The following ART3 variants were observed in gnomAD, a reference collection of about 807,000 sequenced individuals.
ART3 encodes ecto-ADP-ribosyltransferase 3.
Under a neutral mutation model 48.5 loss-of-function variants are expected in ART3, and 49 were observed. The ratio of observed to expected loss-of-function variants is 1.01; its 90% confidence interval spans 0.80 to 1.28. The LOEUF is 1.28. Ranked by LOEUF, ART3 falls within the 50% of genes most tolerant of loss-of-function variation. The probability of loss-of-function intolerance (pLI) is 0.00; values close to 1 mark genes in which losing one functional copy is unlikely to be tolerated. For synonymous variants in ART3, 145 were observed against 157.2 expected, an observed-to-expected ratio of 0.92 and a Z score of 0.58; for missense variants, 438 against 454.3, an observed-to-expected ratio of 0.96 and a Z score of 0.33.
chr4:76,051,135 A>G (rs200341378), intron 1 of ART3, among the ~76,000 whole-genome samples: 3,009 of 94,558 alleles, frequency 0.032, no homozygotes, highest in East Asian at 0.12. Context: ...GGGCTCCTCA[A>G]GTGCCGCCAA....
chr4:76,098,708 C>A, intron 4 of ART3, among the ~76,000 whole-genome samples: 1 of 152,048 alleles, frequency 6.6e-6, no homozygotes, highest in African/African-American at 2.4e-5. Flanking sequence ...TGCAGTGAGC[C>A]GGGATCGTGC....
At chr4:76,051,276 A>G (rs1050044498) in intron 1 of ART3, among the ~76,000 whole-genome samples, 3 of 146,236 alleles carry the variant, frequency 2.1e-5, no homozygotes, top group South Asian at 2.2e-4. Context: ...AGGCATGCCA[A>G]TGACTTTAGG....
intron 1 of ART3, chr4:76,023,324 T>C (rs769473524): frequency 5.0e-6 from 7 of 1,407,168 alleles, no homozygotes; most frequent in Non-Finnish European, 7.1e-6. Context: ...TTTATACCTA[T>C]TCCTATTTCT....
intron 1 of ART3, chr4:76,035,260 G>C (rs1374727676): frequency 3.1e-6 from 5 of 1,614,070 alleles, no homozygotes; most frequent in Non-Finnish European, 4.2e-6. Context: ...ACATTATGGA[G>C]GCTTTCTCAA....
intron 1 of ART3, among the ~76,000 whole-genome samples, chr4:76,064,878 C>A (rs1344753436): frequency 1.3e-5 from 2 of 150,078 alleles, no homozygotes; most frequent in East Asian, 3.9e-4. Flanking sequence ...GTCACCCAGG[C>A]TGGAGTGCGG....
intron 3 of ART3, among the ~76,000 whole-genome samples, chr4:76,086,865 A>G (rs1221568715): frequency 6.6e-6 from 1 of 152,110 alleles, no homozygotes; most frequent in Non-Finnish European, 1.5e-5. Context: ...TGCTCCCCCT[A>G]TGTGACAGTA....
At chr4:76,033,548 A>G (rs1019884795) in intron 1 of ART3, 1 of 152,198 alleles carries the variant, frequency 6.6e-6, no homozygotes, top group African/African-American at 2.4e-5. Flanking sequence ...GACAAAAGAA[A>G]CAACTGTCTT....
chr4:76,088,456 A>AC (rs144037112), intron 3 of ART3, among the ~76,000 whole-genome samples: 1,842 of 152,220 alleles, frequency 0.012, 42 homozygotes, highest in African/African-American at 0.042. Flanking sequence ...TGTAGAGTTT[A>AC]CTGAGACCTG....
chr4:76,075,857 T>C, intron 1 of ART3, 24 bp from the exon 2 acceptor site: 1 of 1,583,416 alleles, frequency 6.3e-7, no homozygotes, highest in Non-Finnish European at 8.6e-7. Flanking sequence ...TCTACTGAAT[T>C]GAAATTTCTT....
At chr4:76,063,404 G>A (rs1434872359) in intron 1 of ART3, among the ~76,000 whole-genome samples, 2 of 152,012 alleles carry the variant, frequency 1.3e-5, no homozygotes, top group African/African-American at 2.4e-5. Context: ...TCTTAACTAG[G>A]TCTTGAATAT....
At chr4:76,078,238 G>A (rs992154369) in intron 2 of ART3, among the ~76,000 whole-genome samples, 13 of 151,986 alleles carry the variant, frequency 8.6e-5, no homozygotes, top group Non-Finnish European at 2.9e-5. Flanking sequence ...TACACAATCA[G>A]CTATGGTGTC....
At chr4:76,047,078 C>T (rs533795346) in intron 1 of ART3, among the ~76,000 whole-genome samples, 1 of 152,142 alleles carries the variant, frequency 6.6e-6, no homozygotes, top group Non-Finnish European at 1.5e-5. Context: ...CCTTCATCCT[C>T]TGGGGCAGTG....
At position 76,112,377 on chromosome 4, in the gene ART3, T is replaced by C. The variant is rs368669506; in HGVS notation, c.1037-9T>C. ...TGATGTGTCAGTGACTGTGTATTCT[T>C]GTTAACAGCTCCAGGTCCAGTTCCT... On this transcript the variant is annotated splice_polypyrimidine_tract_variant and intron_variant, in intron 11 of 11. Coordinates refer to ENST00000355810, the MANE Select transcript of ART3 (RefSeq NM_001130016.3). 4.0e-5 allele frequency: 64 copies of C among 1,612,146 alleles called. No individual in the cohort carries two copies. Among genetic ancestry groups the C allele is most frequent in the Non-Finnish European group, 5.0e-5 (59 of 1,179,376 alleles).
chr4:76,022,317 A>G (rs1404947781), intron 1 of ART3: 1 of 1,464,902 alleles, frequency 6.8e-7, no homozygotes, highest in Non-Finnish European at 9.5e-7. Context: ...GACTCCCAAG[A>G]TTGCCGTTTC....
At chr4:76,061,093 A>G (rs1719170110) in intron 1 of ART3, among the ~76,000 whole-genome samples, 1 of 152,222 alleles carries the variant, frequency 6.6e-6, no homozygotes, top group African/African-American at 2.4e-5. Flanking sequence ...AACAGTAACA[A>G]ACTATTGCAG....
intron 1 of ART3, 30 bp downstream of exon 1, chr4:76,074,849 C>T (rs193225955): frequency 6.6e-6 from 1 of 152,256 alleles, no homozygotes; most frequent in East Asian, 1.9e-4. Flanking sequence ...TACACTCAGA[C>T]TAAAGAAATG....
At chr4:76,061,525 T>C (rs1294015884) in intron 1 of ART3, among the ~76,000 whole-genome samples, 1 of 152,210 alleles carries the variant, frequency 6.6e-6, no homozygotes, top group Non-Finnish European at 1.5e-5. Context: ...AAAGTGACCT[T>C]TTCAATCAGA....
intron 4 of ART3, among the ~76,000 whole-genome samples, chr4:76,097,958 C>T (rs753419543): frequency 2.0e-5 from 3 of 152,190 alleles, no homozygotes; most frequent in Non-Finnish European, 2.9e-5. Context: ...CCACTGTCAT[C>T]TGAGCCTGAC....
chr4:76,065,616 A>G (rs1455673328), intron 1 of ART3, among the ~76,000 whole-genome samples: 2 of 151,852 alleles, frequency 1.3e-5, no homozygotes, highest in African/African-American at 4.8e-5. Flanking sequence ...CTTGTCCTTG[A>G]TAAGAATGTG....
Sources: gnomAD v4.1 joint callset for allele counts (sites outside exome capture counted in the v4.1 genomes callset) on GRCh38, gnomAD v4.1.1 for gene constraint, MANE v1.5 for transcripts, NCBI Gene and HGNC (gene_info 2026-07-23, HGNC 2026-07-21) for gene names.